The following CTNNA2 variants were observed in gnomAD, a reference collection of about 807,000 sequenced individuals.
The protein encoded by CTNNA2 is catenin alpha-2.
Under a neutral mutation model 101.0 loss-of-function variants are expected in CTNNA2, and 42 were observed. The ratio of observed to expected loss-of-function variants is 0.42; its 90% CI spans 0.32 to 0.54. The LOEUF is 0.54. Among genes scored for constraint, CTNNA2 ranks in the 20% least tolerant of loss-of-function variants. The pLI is 0.14. For missense variants in CTNNA2, 871 were observed against 1,223.1 expected (o/e 0.71, Z 4.29); for synonymous variants, 450 against 456.4 (o/e 0.99, Z 0.18).
chr2:80,612,616 C>T (rs216678), intron 17 of CTNNA2, among the ~76,000 whole-genome samples: 36,146 of 151,402 alleles, frequency 0.24, 6,450 homozygotes, highest in African/African-American at 0.51. Flanking sequence ...ATGAGAATTA[C>T]ATTGTATTTG....
intron 3 of CTNNA2, among the ~76,000 whole-genome samples, chr2:79,344,348 T>C (rs917859967): frequency 3.9e-4 from 60 of 152,356 alleles, no homozygotes; most frequent in African/African-American, 1.4e-3. Flanking sequence ...CTAGTGGCAA[T>C]TATTGCTCCA....
chr2:79,287,173 G>C (rs528848754), intron 2 of CTNNA2, among the ~76,000 whole-genome samples: 104 of 152,038 alleles, frequency 6.8e-4, no homozygotes, highest in African/African-American at 2.4e-3. Context: ...TTTTTTCAAA[G>C]TTTTCAACTT....
intron 1 of CTNNA2, among the ~76,000 whole-genome samples, chr2:79,606,659 T>C (rs1677916057): frequency 6.6e-6 from 1 of 152,172 alleles, no homozygotes; most frequent in Non-Finnish European, 1.5e-5. Context: ...AATAAGTCCA[T>C]AAGAATAGAA....
intron 7 of CTNNA2, among the ~76,000 whole-genome samples, chr2:80,319,541 A>G (rs1678477291): frequency 6.6e-6 from 1 of 152,192 alleles, no homozygotes; most frequent in Non-Finnish European, 1.5e-5. Context: ...AACATGGAGA[A>G]CAAAGTACTG....
chr2:80,103,544 G>A (rs1414269993), intron 7 of CTNNA2, among the ~76,000 whole-genome samples: 2 of 152,138 alleles, frequency 1.3e-5, no homozygotes, highest in Non-Finnish European at 2.9e-5. Flanking sequence ...TAAGGCACCT[G>A]CTATATGAAT....
At chr2:80,314,345 G>C (rs1191952757) in intron 7 of CTNNA2, among the ~76,000 whole-genome samples, 1 of 152,228 alleles carries the variant, frequency 6.6e-6, no homozygotes, top group Non-Finnish European at 1.5e-5. Context: ...ATTGTGAACT[G>C]TATTCAGCTT....
At chr2:80,578,450 G>A (rs920574387) in intron 13 of CTNNA2, among the ~76,000 whole-genome samples, 1 of 152,086 alleles carries the variant, frequency 6.6e-6, no homozygotes, top group African/African-American at 2.4e-5. Context: ...AATTTTCCAT[G>A]TTTCCTTTAA....
chr2:79,474,441 G>A (rs957410881), intron 4 of CTNNA2, among the ~76,000 whole-genome samples: 1 of 152,224 alleles, frequency 6.6e-6, no homozygotes, highest in African/African-American at 2.4e-5. Flanking sequence ...TGGCATTTTG[G>A]AAAGGCAAAG....
At chr2:79,687,567 ATT>A in intron 2 of CTNNA2, 3 of 693,298 alleles carry the variant, frequency 4.3e-6, no homozygotes, top group East Asian at 2.8e-5. Flanking sequence ...CTTGCAGTGC[ATT>A]TTTTTTTCCA....
chr2:79,708,298 T>G (rs1685517857), intron 2 of CTNNA2, among the ~76,000 whole-genome samples: 1 of 152,218 alleles, frequency 6.6e-6, no homozygotes, highest in Admixed American at 6.5e-5. Flanking sequence ...GCATGTTAGT[T>G]AACACCCCCA....
chr2:80,181,085 G>A (rs1173679813), intron 7 of CTNNA2, among the ~76,000 whole-genome samples: 2 of 152,122 alleles, frequency 1.3e-5, no homozygotes, highest in African/African-American at 4.8e-5. Context: ...TTGGAGTGTA[G>A]TGCACTTCCT....
intron 7 of CTNNA2, among the ~76,000 whole-genome samples, chr2:80,143,147 A>C (rs906749534): frequency 2.0e-5 from 3 of 152,138 alleles, no homozygotes; most frequent in Non-Finnish European, 4.4e-5. Context: ...TGCTGAATGG[A>C]TGTGAAAGTT....
intron 17 of CTNNA2, among the ~76,000 whole-genome samples, chr2:80,614,275 A>G: frequency 6.6e-6 from 1 of 151,328 alleles, no homozygotes; most frequent in East Asian, 1.9e-4. Flanking sequence ...CTGGGATTGA[A>G]AATATTTGGA....
intron 7 of CTNNA2, among the ~76,000 whole-genome samples, chr2:80,109,958 G>A (rs541737055): frequency 1.3e-5 from 2 of 152,288 alleles, no homozygotes; most frequent in East Asian, 3.9e-4. Flanking sequence ...TTAATACAGT[G>A]TACATTTTGA....
intron 3 of CTNNA2, among the ~76,000 whole-genome samples, chr2:79,352,560 A>G (rs148599751): frequency 2.4e-4 from 37 of 152,082 alleles, no homozygotes; most frequent in African/African-American, 8.7e-4. Context: ...GTTCTTTTGT[A>G]TGGATTTTTG....
At chr2:79,804,691 A>G (rs532227170) in intron 3 of CTNNA2, among the ~76,000 whole-genome samples, 22 of 152,298 alleles carry the variant, frequency 1.4e-4, no homozygotes, top group African/African-American at 5.1e-4. Context: ...GAAAATATAC[A>G]TAAGTTTAGA....
At chr2:79,307,330 A>T (rs1676270126) in intron 2 of CTNNA2, among the ~76,000 whole-genome samples, 1 of 145,502 alleles carries the variant, frequency 6.9e-6, no homozygotes, top group Admixed American at 6.8e-5. Context: ...GAGCACCGGA[A>T]CTTACTCCTC....
chr2:79,874,416 AG>A (rs1384309149), intron 6 of CTNNA2, 74 bp downstream of exon 6: 5 of 1,509,040 alleles, frequency 3.3e-6, no homozygotes, highest in Non-Finnish European at 4.5e-6. Context: ...TTGAGGATGA[AG>A]GGCCACTACA....
rs141339083 is a variant in CTNNA2, at chr2:79,831,637, G to A, written c.299-26376G>A. 1.6e-3 allele frequency among the ~76,000 whole-genome samples: 247 copies of A among 151,042 alleles called. 2 individuals are homozygous for A. The highest frequency in any genetic ancestry group is 5.5e-3 in the African/African-American group (226 of 41,148). On this transcript the variant is annotated intron_variant, in intron 3 of 18. Transcript: ENST00000402739. ...GCTTTTCTTTTATAAAGATTGTTGC[G>A]AGGTAATTGGTAATTCAGCTATTTC...
Sources: allele counts gnomAD v4.1 joint callset (sites outside exome capture counted in the v4.1 genomes callset), GRCh38; gene constraint gnomAD v4.1.1; transcripts MANE v1.5; gene names NCBI Gene and HGNC (gene_info 2026-07-23, HGNC 2026-07-21).